The following SNX3 variants were observed in gnomAD, a reference collection of about 807,000 sequenced individuals.
The protein encoded by SNX3 is sorting nexin-3.
In SNX3, 5 loss-of-function variants were observed where a neutral mutation model predicts 17.7. That is an observed-to-expected ratio of 0.28 (90% CI 0.15 to 0.59). The LOEUF (loss-of-function observed/expected upper bound fraction) is 0.59, where lower values mean the gene tolerates loss of function less well. SNX3 is among the 20% of genes least tolerant of loss of function. SNX3 has a pLI of 0.88. For synonymous variants in SNX3, 91 were observed against 76.5 expected (o/e 1.19, Z -0.99); for missense variants, 132 against 206.8 (o/e 0.64, Z 2.22).
At chr6:108,218,902 T>C (rs549140002) in intron 2 of SNX3, among the ~76,000 whole-genome samples, 10 of 152,234 alleles carry the variant, frequency 6.6e-5, no homozygotes, top group Non-Finnish European at 1.5e-4. Context: ...GGACAGGGTT[T>C]CTTTTATTGG....
intron 2 of SNX3, 30 bp downstream of exon 2, chr6:108,222,920 C>T (rs776704321): frequency 7.6e-7 from 1 of 1,309,952 alleles, no homozygotes; most frequent in Non-Finnish European, 1.1e-6. Context: ...GAATGTTTTG[C>T]TTTAAAGTTG....
chr6:108,253,131 G>C (rs1775915436), intron 1 of SNX3, among the ~76,000 whole-genome samples: 1 of 152,188 alleles, frequency 6.6e-6, no homozygotes, highest in South Asian at 2.1e-4. Flanking sequence ...GATGATAAAG[G>C]TGAGCAGGAG....
intron 1 of SNX3, among the ~76,000 whole-genome samples, chr6:108,226,924 C>T (rs1037238183): frequency 3.9e-5 from 6 of 152,170 alleles, no homozygotes; most frequent in Non-Finnish European, 7.4e-5. Flanking sequence ...GTAACCACAA[C>T]ATTTGTTCAT....
At chr6:108,249,293 G>C (rs139407588) in intron 1 of SNX3, among the ~76,000 whole-genome samples, 6 of 152,078 alleles carry the variant, frequency 3.9e-5, no homozygotes, top group African/African-American at 1.4e-4. Flanking sequence ...ATGGTGGCAC[G>C]TGCCTGTAAT....
chr6:108,247,197 A>T (rs1775717229), intron 1 of SNX3, among the ~76,000 whole-genome samples: 1 of 152,008 alleles, frequency 6.6e-6, no homozygotes, highest in South Asian at 2.1e-4. Context: ...CATGCTTGTA[A>T]GTTTCCTGAG....
chr6:108,256,627 G>A (rs1776039989), intron 1 of SNX3, among the ~76,000 whole-genome samples: 1 of 152,088 alleles, frequency 6.6e-6, no homozygotes, highest in African/African-American at 2.4e-5. Context: ...TTTGAACTGA[G>A]GACTATGTCA....
At chr6:108,234,135 T>C (rs1044526147) in intron 1 of SNX3, among the ~76,000 whole-genome samples, 3 of 152,082 alleles carry the variant, frequency 2.0e-5, no homozygotes, top group South Asian at 2.1e-4. Flanking sequence ...TCATTACATG[T>C]AGCATTTACA....
intron 1 of SNX3, among the ~76,000 whole-genome samples, chr6:108,228,710 G>A (rs574268214): frequency 4.6e-5 from 7 of 151,622 alleles, no homozygotes; most frequent in African/African-American, 1.7e-4. Context: ...AAAAAAGGGG[G>A]GCATTTTGGT....
intron 1 of SNX3, among the ~76,000 whole-genome samples, chr6:108,244,122 G>A (rs1241933093): frequency 6.6e-6 from 1 of 152,150 alleles, no homozygotes; most frequent in African/African-American, 2.4e-5. Flanking sequence ...AGTTTGAAGG[G>A]AAAGAAACTG....
chr6:108,251,608 G>A (rs1775862018), intron 1 of SNX3, among the ~76,000 whole-genome samples: 1 of 152,156 alleles, frequency 6.6e-6, no homozygotes, highest in Non-Finnish European at 1.5e-5. Flanking sequence ...GACTGTACCT[G>A]AAACCTCTCC....
At chr6:108,225,467 C>T (rs1774946416) in intron 1 of SNX3, among the ~76,000 whole-genome samples, 1 of 150,962 alleles carries the variant, frequency 6.6e-6, no homozygotes, top group Non-Finnish European at 1.5e-5. Context: ...CCTGTCTCCA[C>T]TAAAAATACA....
intron 2 of SNX3, 54 bp downstream of exon 2, chr6:108,222,896 A>G: frequency 2.0e-6 from 2 of 1,006,104 alleles, no homozygotes; most frequent in Non-Finnish European, 3.1e-6. Context: ...AGAAATATTA[A>G]ACATTAAAAC....
intron 1 of SNX3, among the ~76,000 whole-genome samples, chr6:108,253,680 T>C (rs1212779410): frequency 6.6e-6 from 1 of 152,192 alleles, no homozygotes; most frequent in Non-Finnish European, 1.5e-5. Flanking sequence ...GAATCTATTT[T>C]TTTAATCCCA....
chr6:108,224,646 A>G (rs1774921638), intron 1 of SNX3, among the ~76,000 whole-genome samples: 1 of 152,230 alleles, frequency 6.6e-6, no homozygotes, highest in African/African-American at 2.4e-5. Context: ...CTTGCATAAT[A>G]AAAGACCTAA....
Position 108,260,873 on chromosome 6 carries a change from T to A in SNX3, c.49A>T (p.Asn17Tyr), listed in dbSNP as rs756160135. ...GGGGGTCCGTAGGCGTCATTCAGGT[T>A]CTGCGGCTTGGTGATCAGCCGCCGG... ...DTRRLITKPQ[N>Y]LNDAYGPPSN... Residue 17 changes from asparagine (N) to tyrosine (Y), a missense_variant, in exon 1 of 4, where the codon AAC becomes TAC. By Grantham distance (143) the Asn-to-Tyr change is moderately radical. Transcript: ENST00000230085. 1 of 1,612,050 alleles carries A rather than the reference T, an allele frequency of 6.2e-7. No homozygotes were observed. Among genetic ancestry groups the A allele is most frequent in the Non-Finnish European group, 8.5e-7 (1 of 1,179,058 alleles).
intron 1 of SNX3, among the ~76,000 whole-genome samples, chr6:108,258,476 T>A (rs950372324): frequency 1.8e-4 from 26 of 147,178 alleles, no homozygotes; most frequent in Admixed American, 1.2e-3. Flanking sequence ...AAAAAAAAAA[T>A]TTTCTTTAAC....
chr6:108,225,629 CT>C (rs1307175168), intron 1 of SNX3, among the ~76,000 whole-genome samples: 1 of 151,920 alleles, frequency 6.6e-6, no homozygotes, highest in Non-Finnish European at 1.5e-5. Context: ...GAGACTCTGA[CT>C]CAAACAAAAC....
At chr6:108,257,375 G>GGTATA (rs1318763606) in intron 1 of SNX3, among the ~76,000 whole-genome samples, 1 of 152,056 alleles carries the variant, frequency 6.6e-6, no homozygotes, top group Non-Finnish European at 1.5e-5. Flanking sequence ...AAATTAGCCA[G>GGTATA]GTATAGTAGT....
chr6:108,243,627 A>G (rs552578763), intron 1 of SNX3, among the ~76,000 whole-genome samples: 1 of 152,318 alleles, frequency 6.6e-6, no homozygotes, highest in Non-Finnish European at 1.5e-5. Flanking sequence ...GATACCAGAT[A>G]GTAAATGAAA....
Sources: allele counts gnomAD v4.1 joint callset (sites outside exome capture counted in the v4.1 genomes callset), GRCh38; gene constraint gnomAD v4.1.1; transcripts MANE v1.5; gene names NCBI Gene and HGNC (gene_info 2026-07-23, HGNC 2026-07-21).